Variants in CCSER1 observed in about 807,000 individuals in gnomAD.
CCSER1 encodes the protein coiled-coil serine rich protein 1.
Under a neutral mutation model 82.0 loss-of-function variants are expected in CCSER1, and 41 were observed. The ratio of observed to expected loss-of-function variants is 0.50; its 90% CI spans 0.39 to 0.65. The LOEUF is 0.65. Among genes scored for constraint, CCSER1 ranks in the 30% least tolerant of loss-of-function variants. The pLI is 0.00. For missense variants in CCSER1, 1,119 were observed against 1,064.2 expected (o/e 1.05, Z -0.72); for synonymous variants, 414 against 383.9 (o/e 1.08, Z -0.92).
intron 4 of CCSER1, among the ~76,000 whole-genome samples, chr4:90,420,550 A>T (rs1756528536): frequency 6.6e-6 from 1 of 151,374 alleles, no homozygotes; most frequent in Non-Finnish European, 1.5e-5. Flanking sequence ...GCATTTCCTG[A>T]TTTAAAAGTG....
intron 10 of CCSER1, among the ~76,000 whole-genome samples, chr4:91,335,568 G>A (rs1034343306): frequency 1.3e-5 from 2 of 152,054 alleles, no homozygotes; most frequent in Non-Finnish European, 2.9e-5. Flanking sequence ...GGAGTGCAGA[G>A]GAAATTCTTT....
At chr4:90,781,275 T>C (rs1753739128) in intron 7 of CCSER1, 1 of 985,234 alleles carries the variant, frequency 1.0e-6, no homozygotes, top group Non-Finnish European at 1.2e-6. Flanking sequence ...ATAACACTTT[T>C]ATTCTCTACA....
intron 3 of CCSER1, among the ~76,000 whole-genome samples, chr4:90,373,473 T>A (rs558809207): frequency 1.2e-4 from 19 of 152,294 alleles, no homozygotes; most frequent in African/African-American, 4.3e-4. Context: ...AGTGAAATAA[T>A]AAGTCATGAA....
At chr4:90,226,531 A>G (rs1259848335) in intron 1 of CCSER1, among the ~76,000 whole-genome samples, 1 of 152,256 alleles carries the variant, frequency 6.6e-6, no homozygotes. Flanking sequence ...CATATCAACT[A>G]TCAGAAGGCT....
At chr4:91,127,365 A>G (rs1251164791) in intron 10 of CCSER1, among the ~76,000 whole-genome samples, 5 of 152,114 alleles carry the variant, frequency 3.3e-5, no homozygotes, top group Non-Finnish European at 7.4e-5. Context: ...GTAACCGTAG[A>G]GACCATGTGC....
chr4:90,545,673 A>T (rs1196434724), intron 5 of CCSER1, among the ~76,000 whole-genome samples: 1 of 152,114 alleles, frequency 6.6e-6, no homozygotes, highest in Non-Finnish European at 1.5e-5. Flanking sequence ...TCATGGATCC[A>T]AAAGGAAAAG....
At chr4:90,786,517 A>G (rs201861501) in intron 7 of CCSER1, among the ~76,000 whole-genome samples, 2 of 150,224 alleles carry the variant, frequency 1.3e-5, no homozygotes, top group Non-Finnish European at 3.0e-5. Flanking sequence ...ATTAAAAAAA[A>G]TTAAATCACA....
At chr4:90,439,577 C>T (rs1759555009) in intron 4 of CCSER1, among the ~76,000 whole-genome samples, 1 of 152,148 alleles carries the variant, frequency 6.6e-6, no homozygotes, top group Non-Finnish European at 1.5e-5. Context: ...TCCAAATTGT[C>T]CCCTTAGATA....
intron 1 of CCSER1, among the ~76,000 whole-genome samples, chr4:90,272,602 A>G (rs1042010896): frequency 1.2e-4 from 18 of 152,196 alleles, no homozygotes; most frequent in Non-Finnish European, 7.3e-5. Flanking sequence ...AGAGATATGG[A>G]CACTCCTATG....
At chr4:91,155,966 A>T (rs564524391) in intron 10 of CCSER1, among the ~76,000 whole-genome samples, 1 of 151,948 alleles carries the variant, frequency 6.6e-6, no homozygotes, top group Non-Finnish European at 1.5e-5. Context: ...AATTTACATT[A>T]TTATTATTTT....
At chr4:91,384,552 C>T (rs909975848) in intron 10 of CCSER1, among the ~76,000 whole-genome samples, 4 of 151,856 alleles carry the variant, frequency 2.6e-5, no homozygotes, top group African/African-American at 9.7e-5. Flanking sequence ...ATATTACTCA[C>T]ATTATGTGCA....
At chr4:90,803,563 A>G (rs1191116229) in intron 7 of CCSER1, among the ~76,000 whole-genome samples, 1 of 152,160 alleles carries the variant, frequency 6.6e-6, no homozygotes, top group East Asian at 1.9e-4. Flanking sequence ...ATGGCTGCAT[A>G]GTATTCCATG....
At chr4:91,480,192 G>A (rs541659886) in intron 10 of CCSER1, among the ~76,000 whole-genome samples, 20 of 151,912 alleles carry the variant, frequency 1.3e-4, no homozygotes, top group South Asian at 1.2e-3. Flanking sequence ...GAATAATGCC[G>A]CAATGAACAT....
chr4:90,959,670 C>T (rs1382948403), intron 9 of CCSER1, among the ~76,000 whole-genome samples: 1 of 126,226 alleles, frequency 7.9e-6, no homozygotes, highest in Non-Finnish European at 1.7e-5. Flanking sequence ...GACACCATTA[C>T]CTGGGACTTC....
chr4:91,373,014 A>C (rs1750147920), intron 10 of CCSER1, among the ~76,000 whole-genome samples: 1 of 152,182 alleles, frequency 6.6e-6, no homozygotes, highest in Admixed American at 6.6e-5. Flanking sequence ...CTTGAAAAAA[A>C]CAATTGGGAA....
At chr4:90,249,628 A>G (rs1412385227) in intron 1 of CCSER1, among the ~76,000 whole-genome samples, 3 of 152,158 alleles carry the variant, frequency 2.0e-5, no homozygotes, top group Admixed American at 2.0e-4. Flanking sequence ...TTCACTTAGC[A>G]TAATGTTTTC....
At chr4:90,300,178 G>A (rs1017230770) in intron 1 of CCSER1, among the ~76,000 whole-genome samples, 3 of 152,032 alleles carry the variant, frequency 2.0e-5, no homozygotes, top group African/African-American at 7.2e-5. Flanking sequence ...TATAAATTTA[G>A]GGACTTTGAT....
intron 6 of CCSER1, among the ~76,000 whole-genome samples, chr4:90,691,693 A>G (rs1265382753): frequency 7.2e-6 from 1 of 138,522 alleles, no homozygotes; most frequent in Non-Finnish European, 1.6e-5. Context: ...GTATATATAT[A>G]CACACATATA....
At chr4:90,691,815 G>C (rs900821026) in intron 6 of CCSER1, among the ~76,000 whole-genome samples, 2 of 151,590 alleles carry the variant, frequency 1.3e-5, no homozygotes, top group African/African-American at 4.8e-5. Flanking sequence ...AATAAACATA[G>C]TACTCGATCA....
Sources: allele counts gnomAD v4.1 joint callset (sites outside exome capture counted in the v4.1 genomes callset), GRCh38; gene constraint gnomAD v4.1.1; transcripts MANE v1.5; gene names NCBI Gene and HGNC (gene_info 2026-07-23, HGNC 2026-07-21).